DHX32: variants seen among roughly 807,000 people sequenced by gnomAD.
DHX32 encodes putative pre-mRNA-splicing factor ATP-dependent RNA helicase DHX32.
A neutral mutation model predicts 70.0 loss-of-function variants in DHX32; 51 were observed. That is an observed-to-expected ratio of 0.73 (90% CI 0.58 to 0.92). The LOEUF (loss-of-function observed/expected upper bound fraction) is 0.92. Among genes scored for constraint, DHX32 ranks in the 40% least tolerant of loss-of-function variants. The pLI, the probability that DHX32 is intolerant of heterozygous loss-of-function variation, is 0.00. For synonymous variants in DHX32, 310 were observed against 315.3 expected, an observed-to-expected ratio of 0.98 and a Z score of 0.18; for missense variants, 762 against 891.8, an observed-to-expected ratio of 0.85 and a Z score of 1.85.
chr10:125,866,358 C>T lies in DHX32; in HGVS notation c.476+632G>A, dbSNP rs564900209. Among the ~76,000 whole-genome samples, 43 of 152,294 alleles carry T rather than the reference C, an allele frequency of 2.8e-4. No individual in the cohort carries two copies. Among genetic ancestry groups the T allele is most frequent in the African/African-American group, 1.0e-3 (43 of 41,560 alleles). ...AATGAAGCTAAGCACAGAAGAGATA[C>T]CACAACTTGCGGTAGCCACAGAGAA... On this transcript the variant is annotated intron_variant, in intron 2 of 10. Transcript: ENST00000284690. The surrounding 1 kb of genome is among the most constrained non-coding windows in gnomAD (Gnocchi z 4.8).
intron 1 of DHX32, among the ~76,000 whole-genome samples, chr10:125,889,249 AT>A (rs1210885411): frequency 6.6e-6 from 1 of 152,156 alleles, no homozygotes; most frequent in African/African-American, 2.4e-5. Flanking sequence ...GCCAAGATTA[AT>A]TTCTGAGCCC....
At position 125,892,235 on chromosome 10, in the gene DHX32, T is replaced by C. The variant is rs1282464130; in HGVS notation, c.-248+3983A>G. On this transcript the variant is annotated intron_variant, in intron 1 of 2. Transcript: ENST00000415732. ...GATCTGCCAATTCTACCTTTTTTAGTGGCCCCTCCTTCTTATTCCCACCAT... is the reference window on the plus strand; with the variant it reads ...GATCTGCCAATTCTACCTTTTTTAGCGGCCCCTCCTTCTTATTCCCACCAT... Among the ~76,000 whole-genome samples, 5 of 152,294 alleles carry C rather than the reference T, an allele frequency of 3.3e-5. No homozygotes were observed. In the East Asian group the frequency reaches 9.6e-4, roughly 29 times the overall value.
intron 2 of DHX32, among the ~76,000 whole-genome samples, chr10:125,861,428 C>T (rs1944187879): frequency 6.6e-6 from 1 of 152,050 alleles, no homozygotes; most frequent in African/African-American, 2.4e-5. Flanking sequence ...ACTGGAGAGG[C>T]GGAGCTTGCA....
chr10:125,843,892 G>A (rs996086351), intron 6 of DHX32, among the ~76,000 whole-genome samples: 22 of 152,196 alleles, frequency 1.4e-4, no homozygotes, highest in Non-Finnish European at 1.2e-4. Flanking sequence ...CCAGACATCC[G>A]CTGGAGTACT....
intron 6 of DHX32, among the ~76,000 whole-genome samples, chr10:125,845,988 CCA>C (rs1313673832): frequency 6.6e-6 from 1 of 152,238 alleles, no homozygotes; most frequent in Non-Finnish European, 1.5e-5. Context: ...CACATCACTC[CCA>C]CCGCCCAGGC....
chr10:125,880,533 G>A lies in DHX32; in HGVS notation c.282+10C>T. On this transcript the variant is annotated intron_variant, in intron 1 of 10. Transcript: ENST00000284690. Reference sequence around the variant, plus strand: ...CATACAGCAAATTATTTTTTGTAGTGGTTACTCACCTGAGCGCTCTTACCA... The same window carrying A: ...CATACAGCAAATTATTTTTTGTAGTAGTTACTCACCTGAGCGCTCTTACCA... 6.4e-7 allele frequency: 1 copy of A among 1,565,888 alleles called. No individual in the cohort carries two copies. The highest frequency in any genetic ancestry group is 1.4e-5 in the African/African-American group (1 of 72,896).
At chr10:125,875,721 G>T (rs1171470206) in intron 1 of DHX32, among the ~76,000 whole-genome samples, 1 of 152,238 alleles carries the variant, frequency 6.6e-6, no homozygotes, top group Admixed American at 6.5e-5. Context: ...AATTGTAACA[G>T]TGAGAAAATT....
chr10:125,876,106 T>C (rs908326575), intron 1 of DHX32, among the ~76,000 whole-genome samples: 40 of 152,200 alleles, frequency 2.6e-4, no homozygotes, highest in African/African-American at 8.9e-4. Flanking sequence ...CAGTAACTCC[T>C]CTGTTGTCCC....
chr10:125,837,216 GCTT>G (rs541216082), intron 10 of DHX32, among the ~76,000 whole-genome samples: 1 of 152,120 alleles, frequency 6.6e-6, no homozygotes, highest in Non-Finnish European at 1.5e-5. Context: ...GGGTATCTTT[GCTT>G]CTTATTTTAA....
At chr10:125,892,205 A>G (rs1226795261) in intron 1 of DHX32, among the ~76,000 whole-genome samples, 3 of 152,246 alleles carry the variant, frequency 2.0e-5, no homozygotes, top group African/African-American at 7.2e-5. Flanking sequence ...CTCCTATATC[A>G]CCAAGATCTG....
chr10:125,862,722 A>G lies in DHX32; in HGVS notation c.477-2747T>C, dbSNP rs963482662. 3.3e-5 allele frequency among the ~76,000 whole-genome samples: 5 copies of G among 152,156 alleles called. No individual in the cohort carries two copies. The East Asian group carries it at 9.7e-4, about 29-fold the overall frequency. On this transcript the variant is annotated intron_variant, in intron 2 of 10. Coordinates refer to ENST00000284690, the MANE Select transcript of DHX32 (RefSeq NM_018180.3). Reference sequence around the variant, plus strand: ...CCTAAAACTTACTATACAAACCCACATTTTTCTGCAGTCCCACCTACTTGG... The same window carrying G: ...CCTAAAACTTACTATACAAACCCACGTTTTTCTGCAGTCCCACCTACTTGG...
intron 2 of DHX32, 90 bp from the exon 3 acceptor site, chr10:125,860,065 T>A (rs1228012962): frequency 6.3e-5 from 76 of 1,208,124 alleles, no homozygotes; most frequent in Non-Finnish European, 8.4e-5. Flanking sequence ...CCTATATTCA[T>A]TTCTCTAAAT....
At chr10:125,840,756 G>A (rs147949255) in intron 8 of DHX32, 91 bp downstream of exon 8, 26 of 1,406,246 alleles carry the variant, frequency 1.8e-5, no homozygotes, top group African/African-American at 2.9e-5. Context: ...TAGGGCTGGC[G>A]AAGAATGTTT....
intron 2 of DHX32, among the ~76,000 whole-genome samples, chr10:125,861,782 T>G (rs1944190368): frequency 6.6e-6 from 1 of 152,236 alleles, no homozygotes. Context: ...TTCCCTTTGC[T>G]GATGTTGCTT....
chr10:125,888,689 A>C (rs1288388707), intron 1 of DHX32, among the ~76,000 whole-genome samples: 2 of 152,302 alleles, frequency 1.3e-5, no homozygotes, highest in Non-Finnish European at 2.9e-5. Context: ...AATCTCCTAG[A>C]ATATTCAAAC....
At chr10:125,872,054 G>A (rs1944259497) in intron 1 of DHX32, among the ~76,000 whole-genome samples, 1 of 151,998 alleles carries the variant, frequency 6.6e-6, no homozygotes, top group Non-Finnish European at 1.5e-5. Context: ...TAGAGACGAG[G>A]TTTCTCCATG....
Position 125,866,857 on chromosome 10 carries a change from G to A in DHX32, c.476+133C>T, listed in dbSNP as rs1944223366. The A allele has an allele frequency of 1.1e-6, 1 of 894,436 alleles. No homozygotes were observed. The allele number at this position is 894,436 out of a possible 1,614,324, so 55.4% of individuals were successfully genotyped here. On this transcript the variant is annotated intron_variant, in intron 2 of 10. Transcript: ENST00000284690. This position sits in a 1 kb window ranked among gnomAD's most constrained non-coding sequence, Gnocchi z 4.8. ...GGAAAGCAACTGTTGCTGGCTGGCTGATGACAGAGACCAGTTGCTACTGCA... is the reference window on the plus strand; with the variant it reads ...GGAAAGCAACTGTTGCTGGCTGGCTAATGACAGAGACCAGTTGCTACTGCA...
At chr10:125,859,142 C>CT (rs1042066745) in intron 3 of DHX32, among the ~76,000 whole-genome samples, 1 of 151,258 alleles carries the variant, frequency 6.6e-6, no homozygotes, top group Non-Finnish European at 1.5e-5. Context: ...ACTCCACTGA[C>CT]TATCACAGGA....
intron 1 of DHX32, among the ~76,000 whole-genome samples, chr10:125,894,554 G>A (rs1944402188): frequency 6.6e-6 from 1 of 152,280 alleles, no homozygotes; most frequent in African/African-American, 2.4e-5. Context: ...CTTAACAGCT[G>A]CTGATAAAAT....
Sources: allele counts gnomAD v4.1 joint callset (sites outside exome capture counted in the v4.1 genomes callset), GRCh38; gene constraint gnomAD v4.1.1; non-coding constraint Gnocchi (gnomAD v3.1); transcripts MANE v1.5; gene names NCBI Gene and HGNC (gene_info 2026-07-23, HGNC 2026-07-21).